Variants in CEP192 observed in about 807,000 individuals in gnomAD.
CEP192 encodes the protein centrosomal protein of 192 kDa.
In CEP192, 151 loss-of-function variants were observed where a neutral mutation model predicts 271.8. That is an observed-to-expected ratio of 0.56 (90% CI 0.49 to 0.64). The LOEUF (loss-of-function observed/expected upper bound fraction) is 0.64. Among genes scored for constraint, CEP192 ranks in the 30% least tolerant of loss-of-function variants. The pLI is 0.00. For synonymous variants in CEP192, 995 were observed against 1,076.5 expected (o/e 0.92, Z 1.48); for missense variants, 2,910 against 3,020.5 (o/e 0.96, Z 0.86).
In CEP192 at chr18:13,100,492, C is replaced by T. The variant is rs374861272; in HGVS notation, c.6851C>T (p.Thr2284Ile). Residue 2284 changes from threonine to isoleucine, a missense_variant, in exon 38 of 45, where the codon ACA becomes ATA. By Grantham distance (89) the Thr-to-Ile change is moderately conservative. Transcript: ENST00000506447. ...AACAAGAGTATTACTTTTCCTACAA[C>T]AGAACCTGGTGAAACTTCAGGTATT... ...IRNKSITFPT[T>I]EPGETSESCL... The T allele has an allele frequency of 8.1e-6, 13 of 1,613,072 alleles. No homozygotes were observed. Among genetic ancestry groups the T allele is most frequent in the East Asian group, 2.2e-5 (1 of 44,866 alleles).
intron 11 of CEP192, among the ~76,000 whole-genome samples, chr18:13,031,609 C>T (rs2035637439): frequency 6.6e-6 from 1 of 152,026 alleles, no homozygotes; most frequent in Admixed American, 6.5e-5. Context: ...ACTGCTTGTG[C>T]TAAGCTTCTT....
Position 13,125,022 on chromosome 18 carries a change from T to C in CEP192, c.*252T>C. 3.6e-6 allele frequency: 1 copy of C among 279,688 alleles called. No homozygotes were observed. The highest frequency in any genetic ancestry group is 6.8e-6 in the Non-Finnish European group (1 of 146,872). The allele number at this position is 279,688 out of a possible 1,614,324, so 17.3% of individuals were successfully genotyped here. A position where few individuals can be genotyped will look rare whatever the true frequency, so the allele number is the denominator to read the frequency against. On this transcript the variant is annotated 3_prime_UTR_variant, in exon 45 of 45. Transcript: ENST00000506447. Reference sequence around the variant, plus strand: ...TTGATTATGATATTCTGAATAAATATGGAATATATTTTAATGTGGTATATC... The same window carrying C: ...TTGATTATGATATTCTGAATAAATACGGAATATATTTTAATGTGGTATATC...
chr18:13,077,438 A>G (rs1223765471), intron 30 of CEP192, among the ~76,000 whole-genome samples: 1 of 152,220 alleles, frequency 6.6e-6, no homozygotes, highest in African/African-American at 2.4e-5. Context: ...AAGCACTTTG[A>G]ATAAGGGATA....
chr18:13,091,745 G>A (rs1386706848), intron 33 of CEP192, among the ~76,000 whole-genome samples: 2 of 152,018 alleles, frequency 1.3e-5, no homozygotes, highest in Non-Finnish European at 2.9e-5. Flanking sequence ...AAATTTGGGT[G>A]TCCTAATCTA....
intron 21 of CEP192, among the ~76,000 whole-genome samples, chr18:13,061,323 A>T (rs1181673776): frequency 6.6e-6 from 1 of 151,314 alleles, no homozygotes; most frequent in Non-Finnish European, 1.5e-5. Context: ...TCTCTGCCTG[A>T]AAAAAAATAA....
intron 15 of CEP192, among the ~76,000 whole-genome samples, chr18:13,045,432 G>A (rs2036423695): frequency 6.6e-6 from 1 of 152,086 alleles, no homozygotes. Context: ...TTAGTTTTAG[G>A]CCTTTGAAAT....
Position 13,099,625 on chromosome 18 carries a change from T to G in CEP192, c.6663+44T>G, listed in dbSNP as rs554602983. 1.6e-5 allele frequency: 15 copies of G among 910,256 alleles called. No individual in the cohort carries two copies. The South Asian group carries it at 2.1e-4, about 13-fold the overall frequency. The allele number at this position is 910,256 out of a possible 1,614,324, so 56.4% of individuals were successfully genotyped here. A position where few individuals can be genotyped will look rare whatever the true frequency, so the allele number is the denominator to read the frequency against. ...TGGTTTTTTTTTTGAGTGACAATTC[T>G]GTTTGTAGCTTCAGTTTTATAATCC... On this transcript the variant is annotated intron_variant, in intron 37 of 44. Transcript: ENST00000506447.
At position 13,050,133 on chromosome 18, in the gene CEP192, A is replaced by G. The variant is rs2036699834; in HGVS notation, c.3017+242A>G. ...AACTAGTAATGTTACAGACTGCATAATGGATCTGTCATGGTTCACTTGATA... is the reference window on the plus strand; with the variant it reads ...AACTAGTAATGTTACAGACTGCATAGTGGATCTGTCATGGTTCACTTGATA... On this transcript the variant is annotated intron_variant, in intron 17 of 44. Coordinates refer to ENST00000506447, the MANE Select transcript of CEP192 (RefSeq NM_032142.4). Among the ~76,000 whole-genome samples the G allele has an allele frequency of 2.6e-5, 4 of 152,270 alleles. No homozygotes were observed. The South Asian group carries it at 8.3e-4, about 32-fold the overall frequency.
chr18:13,101,782 A>C (rs2039717269), intron 38 of CEP192, among the ~76,000 whole-genome samples: 1 of 152,072 alleles, frequency 6.6e-6, no homozygotes, highest in Non-Finnish European at 1.5e-5. Flanking sequence ...CTGAGGGCTC[A>C]CAGCAGTTCT....
chr18:13,092,516 G>A lies in CEP192; in HGVS notation c.6243G>A (p.Leu2081=). The change falls in exon 34 of 45, where the codon TTG becomes TTA. Residue 2081 remains leucine, a synonymous_variant. Transcript: ENST00000506447. The part of the protein sequence containing the change: ...EFLQPSSKAS[L]ESTSDLGASG... ...TTCAGCCTTCTTCCAAAGCTAGCTT[G>A]GAATCTACAAGGTAAAATAAATGAA... 6.2e-7 allele frequency: 1 copy of A among 1,605,170 alleles called. No homozygotes were observed. The highest frequency in any genetic ancestry group is 8.5e-7 in the Non-Finnish European group (1 of 1,176,212).
At chr18:13,019,000 A>G in intron 8 of CEP192, 82 bp from the exon 9 acceptor site, 1 of 1,328,174 alleles carries the variant, frequency 7.5e-7, no homozygotes, top group Non-Finnish European at 1.0e-6. Context: ...ACATAAAATA[A>G]TTTGACTGGC....
intron 33 of CEP192, among the ~76,000 whole-genome samples, chr18:13,090,692 T>C (rs779578913): frequency 3.9e-5 from 6 of 152,098 alleles, no homozygotes; most frequent in Non-Finnish European, 8.8e-5. Context: ...AGGAGTGTGC[T>C]AAGGGACCAG....
At position 13,014,528 on chromosome 18, in the gene CEP192, A is replaced by G. The variant is rs77726305; in HGVS notation, c.520-800A>G. Among the ~76,000 whole-genome samples the G allele has an allele frequency of 1.1e-3, 168 of 152,124 alleles. 2 individuals are homozygous for G. The East Asian group carries it at 0.028, about 26-fold the overall frequency. ...TTACATATTGTGCTTTCCCATACAG[A>G]TTTTTTCCCAATTTTTATATTATGA... On this transcript the variant is annotated intron_variant, in intron 5 of 44. Transcript: ENST00000506447.
intron 9 of CEP192, among the ~76,000 whole-genome samples, chr18:13,024,794 G>A (rs988865001): frequency 2.6e-5 from 4 of 151,312 alleles, no homozygotes; most frequent in African/African-American, 7.3e-5. Flanking sequence ...TTTTGAGACC[G>A]AGTCTCGCTC....
intron 42 of CEP192, among the ~76,000 whole-genome samples, 185 bp downstream of exon 42, chr18:13,114,436 C>G (rs982609962): frequency 6.6e-6 from 1 of 152,166 alleles, no homozygotes; most frequent in African/African-American, 2.4e-5. Context: ...TTGTCCTGTT[C>G]TGATTTCTGT....
intron 9 of CEP192, among the ~76,000 whole-genome samples, chr18:13,021,492 C>T (rs1374953707): frequency 3.9e-5 from 6 of 152,144 alleles, no homozygotes; most frequent in Non-Finnish European, 8.8e-5. Context: ...TTGACAGTAC[C>T]ACACTGCTTT....
Position 13,038,441 on chromosome 18 carries a change from C to T in CEP192, c.1671C>T (p.Tyr557=), listed in dbSNP as rs758380597. The change falls in exon 13 of 45, where the codon TAC becomes TAT. Residue 557 remains tyrosine, a synonymous_variant. Transcript: ENST00000506447. ...GDTSWGATIN[Y]SLLRKSRSTS... ...CGTCCTGGGGAGCTACAATTAATTACAGTCTGTTGAGGAAATCACGTAGCA... is the reference window on the plus strand; with the variant it reads ...CGTCCTGGGGAGCTACAATTAATTATAGTCTGTTGAGGAAATCACGTAGCA... 1.9e-6 allele frequency: 3 copies of T among 1,551,594 alleles called. No individual in the cohort carries two copies. Among genetic ancestry groups the T allele is most frequent in the East Asian group, 2.4e-5 (1 of 40,916 alleles).
intron 30 of CEP192, among the ~76,000 whole-genome samples, chr18:13,074,942 C>T (rs2038193656): frequency 6.6e-6 from 1 of 152,194 alleles, no homozygotes; most frequent in African/African-American, 2.4e-5. Context: ...TACCATAAAG[C>T]ATGATAGGAC....
intron 9 of CEP192, among the ~76,000 whole-genome samples, chr18:13,026,038 A>G (rs2035279522): frequency 6.6e-6 from 1 of 152,222 alleles, no homozygotes. Flanking sequence ...ATTTCTTGCA[A>G]GGCAGGTCTG....
Sources: gnomAD v4.1 joint callset for allele counts (sites outside exome capture counted in the v4.1 genomes callset) on GRCh38, gnomAD v4.1.1 for gene constraint, MANE v1.5 for transcripts, NCBI Gene and HGNC (gene_info 2026-07-23, HGNC 2026-07-21) for gene names.